Variants in SPRY3 observed in about 807,000 individuals in gnomAD.
SPRY3 encodes the protein sprouty RTK signaling antagonist 3, also known as protein sprouty homolog 3.
In SPRY3, 15 loss-of-function variants were observed where a neutral mutation model predicts 20.2. The ratio of observed to expected loss-of-function variants is 0.74; its 90% CI spans 0.50 to 1.14. SPRY3 has a LOEUF of 1.14. SPRY3 is among the 50% of genes most tolerant of loss of function. SPRY3 has a pLI of 0.00. For missense variants in SPRY3, 364 were observed against 363.9 expected (o/e 1.00, Z 0.00); for synonymous variants, 143 against 136.5 (o/e 1.05, Z -0.33).
At chrX:155,746,413 T>C (rs960915996) in intron 2 of SPRY3, among the ~76,000 whole-genome samples, 1 of 151,980 alleles carries the variant, frequency 6.6e-6, no homozygotes, top group East Asian at 1.9e-4. Flanking sequence ...GTTAATACAA[T>C]TTTTTCATTT....
rs2091261972 is a variant in SPRY3, at chrX:155,751,530, A to G, written c.-281-16432A>G. Among the ~76,000 whole-genome samples, 8 of 151,886 alleles carry G rather than the reference A, an allele frequency of 5.3e-5. No individual in the cohort carries two copies. In the Admixed American group the frequency reaches 5.3e-4, roughly 10 times the overall value. On this transcript the variant is annotated intron_variant, in intron 2 of 3. Coordinates refer to ENST00000675360, the Ensembl canonical transcript of SPRY3. ...TCAGGGCATCTTACTGGTAGAACAT[A>G]AGTCATATTCCTACATTGTAGTTTC...
intron 1 of SPRY3, among the ~76,000 whole-genome samples, chrX:155,626,166 G>A (rs903917106): frequency 9.0e-6 from 1 of 111,488 alleles, no homozygotes; most frequent in African/African-American, 3.3e-5. Flanking sequence ...TACTGGCAAC[G>A]TATGAGGTCT....
chrX:155,782,236 T>C (rs1442632439), exon 2 of SPRY3: 1 of 166,976 alleles, frequency 6.0e-6, no homozygotes, highest in Non-Finnish European at 1.5e-5. Flanking sequence ...TTGGAGCATC[T>C]GAGGAAATAG....
At chrX:155,649,433 G>A (rs1205448918) in intron 1 of SPRY3, among the ~76,000 whole-genome samples, 1 of 111,207 alleles carries the variant, frequency 9.0e-6, no homozygotes, top group African/African-American at 3.3e-5. Context: ...AATCAAGTAG[G>A]CTTCATCCCT....
chrX:155,765,107 C>T (rs1231860515), intron 2 of SPRY3, among the ~76,000 whole-genome samples: 1 of 152,144 alleles, frequency 6.6e-6, no homozygotes, highest in Non-Finnish European at 1.5e-5. Flanking sequence ...CTCCCAAAGG[C>T]CCCACCTCCT....
At chrX:155,730,695 C>G (rs1224223559) in intron 2 of SPRY3, among the ~76,000 whole-genome samples, 1 of 151,898 alleles carries the variant, frequency 6.6e-6, no homozygotes, top group Non-Finnish European at 1.5e-5. Context: ...TAAAGGGCCT[C>G]CAAATTGGAA....
At chrX:155,726,494 TG>T (rs2091098284) in intron 2 of SPRY3, among the ~76,000 whole-genome samples, 1 of 151,978 alleles carries the variant, frequency 6.6e-6, no homozygotes, top group Non-Finnish European at 1.5e-5. Flanking sequence ...TTTATGAGTC[TG>T]GGTGCTCCTG....
intron 2 of SPRY3, among the ~76,000 whole-genome samples, chrX:155,710,360 C>A (rs989964059): frequency 6.6e-6 from 1 of 151,600 alleles, no homozygotes; most frequent in Non-Finnish European, 1.5e-5. Context: ...TTACAACTTT[C>A]ATTGTAGAGA....
chrX:155,775,796 G>T (rs1234489285), exon 4 of SPRY3: 6 of 167,076 alleles, frequency 3.6e-5, no homozygotes, highest in Non-Finnish European at 7.3e-5. Flanking sequence ...CAAAGCAAAG[G>T]ATACAGAGGT....
chrX:155,698,890 G>A (rs1038627015), intron 2 of SPRY3, among the ~76,000 whole-genome samples: 2 of 111,597 alleles, frequency 1.8e-5, no homozygotes, highest in African/African-American at 6.5e-5. Flanking sequence ...CCCAGTCAAT[G>A]AATATCCTAT....
At chrX:155,670,065 C>G (rs1419504439) in intron 2 of SPRY3, 1 of 111,650 alleles carries the variant, frequency 9.0e-6, no homozygotes, top group African/African-American at 3.2e-5. Context: ...CTAACAGCTA[C>G]CTAATGAATA....
chrX:155,708,738 TACAA>T (rs1439363767), intron 2 of SPRY3, among the ~76,000 whole-genome samples: 4 of 151,566 alleles, frequency 2.6e-5, no homozygotes, highest in Admixed American at 2.0e-4. Context: ...TCCTTTGTGT[TACAA>T]ACAATCTAAT....
chrX:155,704,505 G>T (rs2090935269), intron 2 of SPRY3, among the ~76,000 whole-genome samples: 1 of 151,484 alleles, frequency 6.6e-6, no homozygotes, highest in African/African-American at 2.4e-5. Context: ...ATGAGGAAAA[G>T]AAAACATTCA....
At chrX:155,667,383 T>C (rs1454772115) in intron 2 of SPRY3, among the ~76,000 whole-genome samples, 2 of 110,972 alleles carry the variant, frequency 1.8e-5, no homozygotes, top group Admixed American at 1.9e-4. Flanking sequence ...ATTGGTAATG[T>C]CTGGGACTCC....
rs192337391 is a variant in SPRY3 at position 155,728,013 on chromosome X, T to G, written c.-281-39949T>G. On this transcript the variant is annotated intron_variant, in intron 2 of 3. Coordinates refer to ENST00000675360, the Ensembl canonical transcript of SPRY3. ...TCCTTTTTGTTGATGCTGATGTTAT[T>G]TCTTTCTGTTTGTTAGTTTTCCTTC... Among the ~76,000 whole-genome samples the G allele has an allele frequency of 4.6e-5, 7 of 152,284 alleles. No individual in the cohort carries two copies. The East Asian group carries it at 1.4e-3, about 29-fold the overall frequency.
At chrX:155,692,556 A>G (rs1029213616) in intron 2 of SPRY3, among the ~76,000 whole-genome samples, 2 of 111,316 alleles carry the variant, frequency 1.8e-5, no homozygotes, top group Non-Finnish European at 3.8e-5. Context: ...TCAACTTGTC[A>G]ATGTTTATAG....
downstream of SPRY3, chrX:155,779,730 A>G (rs752872359): frequency 2.0e-4 from 33 of 167,134 alleles, no homozygotes; most frequent in South Asian, 5.4e-3. Context: ...TAAAGCAATG[A>G]GTTGGTTGGC....
chrX:155,725,276 T>A (rs2091089479), intron 2 of SPRY3, among the ~76,000 whole-genome samples: 1 of 152,200 alleles, frequency 6.6e-6, no homozygotes, highest in Non-Finnish European at 1.5e-5. Context: ...TGGTCTAAAA[T>A]TCTCTTTTTT....
intron 2 of SPRY3, among the ~76,000 whole-genome samples, chrX:155,689,047 T>C (rs2068096304): frequency 1.1e-5 from 1 of 88,397 alleles, no homozygotes; most frequent in Admixed American, 1.2e-4. Context: ...ATAAATTTTC[T>C]CCCATTTTGT....
Sources: gnomAD v4.1 joint callset for allele counts (sites outside exome capture counted in the v4.1 genomes callset) on GRCh38, gnomAD v4.1.1 for gene constraint, MANE v1.5 for transcripts, NCBI Gene and HGNC (gene_info 2026-07-23, HGNC 2026-07-21) for gene names.